The following STPG2 variants were observed in gnomAD, a reference collection of about 807,000 sequenced individuals.
STPG2 encodes sperm-tail PG-rich repeat-containing protein 2.
STPG2 carries 56 observed loss-of-function variants against 54.2 expected under a neutral mutation model. The ratio of observed to expected loss-of-function variants is 1.03; its 90% CI spans 0.83 to 1.29. STPG2 has a LOEUF of 1.29. STPG2 is among the 50% of genes most tolerant of loss of function. The pLI is 0.00. For missense variants in STPG2, 596 were observed against 544.9 expected (o/e 1.09, Z -0.93); for synonymous variants, 200 against 181.8 (o/e 1.10, Z -0.81).
chr4:98,129,205 T>A, intron 2 of STPG2, among the ~76,000 whole-genome samples: 1 of 152,358 alleles, frequency 6.6e-6, no homozygotes, highest in East Asian at 1.9e-4. Flanking sequence ...TTATCTTGCT[T>A]AGTAAAGCCA....
Position 97,527,032 on chromosome 4 carries a change from G to C in STPG2, c.462+185667C>G, listed in dbSNP as rs113194511. ...TTTTTTTTAATACTTTAAGTTCTGG[G>C]ATACATGTGCAGAACGTGCAGCTTT... On this transcript the variant is annotated intron_variant, in intron 4 of 4. Coordinates refer to the STPG2 transcript ENST00000522676. 5.5e-3 allele frequency among the ~76,000 whole-genome samples: 836 copies of C among 151,602 alleles called. 7 individuals carry two copies. Among genetic ancestry groups the C allele is most frequent in the Middle Eastern group, 0.02 (6 of 294 alleles).
chr4:97,699,625 A>G (rs1174977389), intron 10 of STPG2, among the ~76,000 whole-genome samples: 2 of 152,164 alleles, frequency 1.3e-5, no homozygotes, highest in African/African-American at 4.8e-5. Flanking sequence ...AGTTCTGCCC[A>G]CTGAGGAGAG....
chr4:97,940,851 A>T (rs1434312171), intron 8 of STPG2, among the ~76,000 whole-genome samples: 1 of 148,794 alleles, frequency 6.7e-6, no homozygotes, highest in Non-Finnish European at 1.5e-5. Context: ...GTCATACATG[A>T]GCTAAAATGA....
At chr4:98,061,704 T>C (rs1737665171) in intron 5 of STPG2, among the ~76,000 whole-genome samples, 2 of 152,088 alleles carry the variant, frequency 1.3e-5, no homozygotes, top group African/African-American at 4.8e-5. Context: ...AAGCTCAGTA[T>C]CACTGATCAT....
intron 5 of STPG2, among the ~76,000 whole-genome samples, chr4:98,021,502 G>A (rs1279199191): frequency 1.3e-5 from 2 of 151,994 alleles, no homozygotes; most frequent in Admixed American, 1.3e-4. Flanking sequence ...TGTTGATTTG[G>A]GGTGGAGAGT....
At chr4:97,503,944 T>C (rs1243219789) in intron 4 of STPG2, among the ~76,000 whole-genome samples, 1 of 124,122 alleles carries the variant, frequency 8.1e-6, no homozygotes, top group Non-Finnish European at 1.6e-5. Flanking sequence ...TTTAAAAATA[T>C]ATTTTCATAT....
intron 10 of STPG2, among the ~76,000 whole-genome samples, chr4:97,651,864 T>C (rs996887515): frequency 1.3e-5 from 2 of 151,950 alleles, no homozygotes; most frequent in Middle Eastern, 3.4e-3. Flanking sequence ...TTTGAAAACA[T>C]TGGATGTTGC....
chr4:97,735,630 T>TAC (rs950178412), intron 9 of STPG2, among the ~76,000 whole-genome samples: 4 of 149,100 alleles, frequency 2.7e-5, no homozygotes, highest in African/African-American at 7.3e-5. Flanking sequence ...CATATATATA[T>TAC]ACACACACAT....
At chr4:97,608,605 A>C (rs1733652299) in intron 10 of STPG2, among the ~76,000 whole-genome samples, 3 of 152,074 alleles carry the variant, frequency 2.0e-5, no homozygotes, top group African/African-American at 7.2e-5. Flanking sequence ...GCTTTACAAA[A>C]GCTGTAATTG....
At chr4:97,481,156 C>A (rs1293456966) in intron 4 of STPG2, among the ~76,000 whole-genome samples, 1 of 151,458 alleles carries the variant, frequency 6.6e-6, no homozygotes, top group Non-Finnish European at 1.5e-5. Context: ...AAAATGTTTC[C>A]ATTTTCTATT....
At chr4:97,854,269 T>A (rs1049660047) in intron 8 of STPG2, among the ~76,000 whole-genome samples, 2 of 152,080 alleles carry the variant, frequency 1.3e-5, no homozygotes, top group South Asian at 4.1e-4. Flanking sequence ...TCAGCTTTTT[T>A]GCTGGCTATA....
At chr4:97,561,042 G>A (rs1732220536) in intron 10 of STPG2, among the ~76,000 whole-genome samples, 2 of 152,054 alleles carry the variant, frequency 1.3e-5, no homozygotes, top group South Asian at 4.2e-4. Flanking sequence ...TTCCACAATG[G>A]TTGAACTAGT....
At chr4:97,796,514 T>A (rs1234884125) in intron 9 of STPG2, among the ~76,000 whole-genome samples, 1 of 152,208 alleles carries the variant, frequency 6.6e-6, no homozygotes, top group African/African-American at 2.4e-5. Context: ...TGGTAGTAGA[T>A]GTGTGGTATT....
chr4:97,782,853 G>C (rs878931756), intron 9 of STPG2, among the ~76,000 whole-genome samples: 1 of 152,120 alleles, frequency 6.6e-6, no homozygotes. Flanking sequence ...TTAATAAATG[G>C]TGCTGGGAAA....
intron 10 of STPG2, among the ~76,000 whole-genome samples, chr4:97,559,372 T>G (rs1439748987): frequency 6.6e-6 from 1 of 152,218 alleles, no homozygotes; most frequent in African/African-American, 2.4e-5. Context: ...CAAGTAGGTC[T>G]GTTGTGCACT....
At chr4:97,902,336 A>G (rs1399203601) in intron 8 of STPG2, among the ~76,000 whole-genome samples, 1 of 152,138 alleles carries the variant, frequency 6.6e-6, no homozygotes, top group Non-Finnish European at 1.5e-5. Context: ...TCTGCGCTGC[A>G]AAGGAGACAA....
chr4:97,988,926 T>A (rs1157871322), intron 5 of STPG2, among the ~76,000 whole-genome samples: 1 of 152,246 alleles, frequency 6.6e-6, no homozygotes, highest in Non-Finnish European at 1.5e-5. Context: ...CCATTTCTAA[T>A]TATGATAAAA....
chr4:97,892,949 T>C (rs1171264426), intron 8 of STPG2: 1 of 151,896 alleles, frequency 6.6e-6, no homozygotes. Flanking sequence ...CCAGAACCAA[T>C]CCAAAAACAA....
At chr4:97,564,300 A>C (rs1732356482) in intron 10 of STPG2, among the ~76,000 whole-genome samples, 2 of 152,080 alleles carry the variant, frequency 1.3e-5, no homozygotes, top group Non-Finnish European at 2.9e-5. Flanking sequence ...ATCTTCCTCC[A>C]TCCTTTCATT....
Sources: allele counts gnomAD v4.1 joint callset (sites outside exome capture counted in the v4.1 genomes callset), GRCh38; gene constraint gnomAD v4.1.1; transcripts MANE v1.5; gene names NCBI Gene and HGNC (gene_info 2026-07-23, HGNC 2026-07-21).